Variants in UGT1A6 observed in about 807,000 individuals in gnomAD.
UGT1A6 encodes UDP-glucuronosyltransferase 1A6.
In UGT1A6, 32 loss-of-function variants were observed where a neutral mutation model predicts 44.4. The observed-to-expected ratio is 0.72, with a 90% CI of 0.54 to 0.97. UGT1A6 has a LOEUF of 0.97. Among genes scored for constraint, UGT1A6 ranks in the 50% least tolerant of loss-of-function variants. The pLI is 0.00. For missense variants in UGT1A6, 685 were observed against 661.9 expected (o/e 1.03, Z -0.38); for synonymous variants, 238 against 248.5 (o/e 0.96, Z 0.40).
intron 1 of UGT1A6, chr2:233,742,665 A>C (rs1692062657): frequency 6.6e-6 from 1 of 152,140 alleles, no homozygotes; most frequent in Non-Finnish European, 1.5e-5. Flanking sequence ...ATGTAACCCC[A>C]AGGTTTGTCC....
At chr2:233,724,345 C>CCT in intron 1 of UGT1A6, among the ~76,000 whole-genome samples, 1 of 147,952 alleles carries the variant, frequency 6.8e-6, no homozygotes, top group African/African-American at 2.5e-5. Flanking sequence ...GGCTGACCCC[C>CCT]CCCACCTCCC....
Position 233,767,921 on chromosome 2 carries a change from C to T in UGT1A6, c.1066C>T (p.Gln356Ter), listed in dbSNP as rs72551350. 5.6e-6 allele frequency: 9 copies of T among 1,614,068 alleles called. No homozygotes were observed. Among genetic ancestry groups the T allele is most frequent in the Non-Finnish European group, 7.6e-6 (9 of 1,180,058 alleles). ...NNTILVKWLP[Q>*]NDLLGHPMTR... ...CACGATACTTGTTAAGTGGCTACCC[C>T]AAAACGATCTGCTTGGTATGTTGGG... The change falls in exon 3 of 5, where the codon CAA becomes TAA. Residue 356 changes from glutamine (Q) to a stop codon, truncating the protein, a stop_gained. Coordinates refer to ENST00000305139, the MANE Select transcript of UGT1A6 (RefSeq NM_001072.4). LOFTEE classifies it high-confidence loss of function.
At chr2:233,742,512 C>T (rs924249262) in intron 1 of UGT1A6, among the ~76,000 whole-genome samples, 15 of 151,990 alleles carry the variant, frequency 9.9e-5, no homozygotes, top group African/African-American at 3.6e-4. Context: ...ATCATGAACA[C>T]GTCACAGTGC....
intron 1 of UGT1A6, among the ~76,000 whole-genome samples, chr2:233,706,438 T>C (rs980431850): frequency 1.4e-4 from 21 of 152,242 alleles, no homozygotes; most frequent in African/African-American, 4.6e-4. Context: ...ACAGACTTGG[T>C]CAAAGCAAAT....
chr2:233,746,667 C>T (rs4663969), intron 1 of UGT1A6, among the ~76,000 whole-genome samples: 19 of 151,232 alleles, frequency 1.3e-4, no homozygotes, highest in Non-Finnish European at 2.4e-4. Flanking sequence ...GAGTTCCTAG[C>T]ATAGTAGGTA....
chr2:233,729,151 C>G (rs780105483), intron 1 of UGT1A6: 3 of 1,613,562 alleles, frequency 1.9e-6, no homozygotes, highest in South Asian at 2.2e-5. Context: ...CCAGGTTCCC[C>G]TGCCGTGGCT....
In UGT1A6 at chr2:233,768,328, T is replaced by C. The variant is rs755527328; in HGVS notation, c.1190T>C (p.Met397Thr). The C allele has an allele frequency of 1.9e-6, 3 of 1,614,176 alleles. No homozygotes were observed. The highest frequency in any genetic ancestry group is 2.5e-6 in the Non-Finnish European group (3 of 1,180,040). ...ATGATGCCCTTGTTTGGTGATCAGATGGACAATGCAAAGCGCATGGAGACT... is the reference window on the plus strand; with the variant it reads ...ATGATGCCCTTGTTTGGTGATCAGACGGACAATGCAAAGCGCATGGAGACT... ...MVMMPLFGDQMDNAKRMETKG... is the reference protein window; with the variant it reads ...MVMMPLFGDQTDNAKRMETKG... The change falls in exon 4 of 5, where the codon ATG becomes ACG. Residue 397 changes from methionine (M) to threonine (T), a missense_variant. By Grantham distance (81) the Met-to-Thr change is moderately conservative. Transcript: ENST00000305139.
intron 1 of UGT1A6, among the ~76,000 whole-genome samples, chr2:233,710,802 C>T (rs187867245): frequency 5.3e-4 from 80 of 152,332 alleles, no homozygotes; most frequent in Non-Finnish European, 9.6e-4. Context: ...TTGTACCCCT[C>T]GTGCCCTATC....
chr2:233,713,462 C>T lies in UGT1A6; in HGVS notation c.861+19597C>T, dbSNP rs146711966. The T allele has an allele frequency of 1.6e-4, 256 of 1,614,090 alleles. 3 individuals are homozygous for T. The African/African-American group carries it at 2.8e-3, about 18-fold the overall frequency. ...TTCTAACAGACCCCTTTCACCTCTG[C>T]GCGGCGGTGCTGGCTAAGTACCTGT... On this transcript the variant is annotated intron_variant, in intron 1 of 4. Transcript: ENST00000305139.
chr2:233,747,315 A>C (rs1575682403), intron 1 of UGT1A6: 2 of 1,603,160 alleles, frequency 1.2e-6, no homozygotes, highest in Non-Finnish European at 1.7e-6. Context: ...TGCTGGTGGT[A>C]CCCATTGATG....
At chr2:233,743,505 A>G (rs761358710) in intron 1 of UGT1A6, 1 of 1,367,266 alleles carries the variant, frequency 7.3e-7, no homozygotes, top group Non-Finnish European at 9.8e-7. Context: ...AAAGGGGTGC[A>G]GACGCTCTGC....
intron 1 of UGT1A6, among the ~76,000 whole-genome samples, chr2:233,762,725 T>C (rs1290938105): frequency 6.6e-6 from 1 of 152,154 alleles, no homozygotes; most frequent in African/African-American, 2.4e-5. Context: ...CGGTTTTTTT[T>C]TTTTGGTCAC....
chr2:233,769,853 G>T lies in UGT1A6; in HGVS notation c.1301+1414G>T. On this transcript the variant is annotated intron_variant, in intron 4 of 4. Transcript: ENST00000305139. This position sits in a 1 kb window ranked among gnomAD's most constrained non-coding sequence, Gnocchi z 4.4. ...AACCTGGGCAACAGAGTGAGACCCT[G>T]TCTCAAAAAAAAAAAAAAAAATGAA... The T allele has an allele frequency of 4.6e-5, 18 of 388,562 alleles. No individual in the cohort carries two copies. The highest frequency in any genetic ancestry group is 9.6e-5 in the East Asian group (2 of 20,776). 24.1% of individuals were successfully genotyped at this position (388,562 alleles called of 1,614,324 possible).
intron 1 of UGT1A6, among the ~76,000 whole-genome samples, chr2:233,707,259 A>G (rs1327423333): frequency 6.6e-6 from 1 of 151,866 alleles, no homozygotes; most frequent in Admixed American, 6.6e-5. Context: ...TTTCTTCATC[A>G]GCATTTATTT....
intron 1 of UGT1A6, among the ~76,000 whole-genome samples, chr2:233,696,841 T>C (rs1401525260): frequency 1.3e-5 from 2 of 152,218 alleles, no homozygotes; most frequent in African/African-American, 2.4e-5. Flanking sequence ...TAAAGGGACG[T>C]TGAATTTTGT....
chr2:233,734,300 G>GAAGA (rs2078508632), intron 1 of UGT1A6, among the ~76,000 whole-genome samples: 1 of 152,112 alleles, frequency 6.6e-6, no homozygotes, highest in Non-Finnish European at 1.5e-5. Context: ...AGATTTTCTA[G>GAAGA]TTTATTTGTG....
chr2:233,772,801 T>A lies in UGT1A6; in HGVS notation c.*242T>A. ...CTTTGATCAGGATGACATGTGCCATTTTTCAGAGGACGTGCAGACAGGCTG... is the reference window on the plus strand; with the variant it reads ...CTTTGATCAGGATGACATGTGCCATATTTCAGAGGACGTGCAGACAGGCTG... On this transcript the variant is annotated 3_prime_UTR_variant, in exon 5 of 5. Coordinates refer to ENST00000305139, the MANE Select transcript of UGT1A6 (RefSeq NM_001072.4). The A allele has an allele frequency of 2.6e-6, 3 of 1,145,220 alleles. No homozygotes were observed. Among genetic ancestry groups the A allele is most frequent in the South Asian group, 3.5e-5 (2 of 57,704 alleles). 70.9% of individuals were successfully genotyped at this position (1,145,220 alleles called of 1,614,324 possible).
intron 1 of UGT1A6, among the ~76,000 whole-genome samples, chr2:233,709,947 T>G (rs2076099525): frequency 6.6e-6 from 1 of 152,226 alleles, no homozygotes; most frequent in Admixed American, 6.5e-5. Flanking sequence ...TGGTTTCTGT[T>G]GCTGGATAAC....
intron 1 of UGT1A6, among the ~76,000 whole-genome samples, chr2:233,727,837 G>A (rs564392450): frequency 6.6e-6 from 1 of 152,316 alleles, no homozygotes; most frequent in Non-Finnish European, 1.5e-5. Context: ...TGTTATCAAT[G>A]TGGAGTAATT....
Sources: allele counts gnomAD v4.1 joint callset (sites outside exome capture counted in the v4.1 genomes callset), GRCh38; gene constraint gnomAD v4.1.1; non-coding constraint Gnocchi (gnomAD v3.1); transcripts MANE v1.5; gene names NCBI Gene and HGNC (gene_info 2026-07-23, HGNC 2026-07-21).